The following RBMS3 variants were observed in gnomAD, a reference collection of about 807,000 sequenced individuals.
The protein encoded by RBMS3 is RNA binding motif single stranded interacting protein 3.
RBMS3 carries 27 observed loss-of-function variants against 66.8 expected under a neutral mutation model. That is an observed-to-expected ratio of 0.40 (90% confidence interval 0.30 to 0.56). The LOEUF is 0.56. Among genes scored for constraint, RBMS3 ranks in the 20% least tolerant of loss-of-function variants. The probability of loss-of-function intolerance (pLI) is 0.40; values close to 1 mark genes in which losing one functional copy is unlikely to be tolerated. For synonymous variants in RBMS3, 188 were observed against 183.0 expected, an observed-to-expected ratio of 1.03 and a Z score of -0.22; for missense variants, 513 against 549.5, an observed-to-expected ratio of 0.93 and a Z score of 0.66.
At chr3:29,365,537 A>T (rs2037851012) in intron 1 of RBMS3, among the ~76,000 whole-genome samples, 1 of 151,926 alleles carries the variant, frequency 6.6e-6, no homozygotes, top group South Asian at 2.1e-4. Flanking sequence ...TATTATTTCA[A>T]ACTACAATGA....
intron 5 of RBMS3, among the ~76,000 whole-genome samples, chr3:29,754,969 G>A (rs1430122230): frequency 6.6e-6 from 1 of 151,982 alleles, no homozygotes; most frequent in African/African-American, 2.4e-5. Context: ...TGTCTCTCTG[G>A]GCCTGATAAA....
chr3:29,618,980 C>T (rs2048769866), intron 4 of RBMS3, among the ~76,000 whole-genome samples: 1 of 152,112 alleles, frequency 6.6e-6, no homozygotes, highest in African/African-American at 2.4e-5. Flanking sequence ...AAACATTTTT[C>T]AAGATCTTCT....
At chr3:29,712,724 G>A (rs1015333749) in intron 4 of RBMS3, among the ~76,000 whole-genome samples, 14 of 152,168 alleles carry the variant, frequency 9.2e-5, no homozygotes, top group African/African-American at 2.2e-4. Context: ...TGGAGAAAGG[G>A]TAAATTGGCT....
At chr3:29,904,278 T>G (rs1223596809) in intron 10 of RBMS3, among the ~76,000 whole-genome samples, 1 of 152,066 alleles carries the variant, frequency 6.6e-6, no homozygotes, top group East Asian at 1.9e-4. Context: ...TCATTCATCA[T>G]TTCTATTCTC....
At chr3:29,622,237 A>C (rs1034029740) in intron 4 of RBMS3, among the ~76,000 whole-genome samples, 1 of 152,180 alleles carries the variant, frequency 6.6e-6, no homozygotes, top group Non-Finnish European at 1.5e-5. Context: ...ACATCTGGGG[A>C]AGTGAAGACA....
At chr3:29,547,180 G>C (rs924138184) in intron 3 of RBMS3, among the ~76,000 whole-genome samples, 7 of 152,090 alleles carry the variant, frequency 4.6e-5, no homozygotes, top group African/African-American at 1.7e-4. Context: ...GTCCAGGCTG[G>C]TTTTGAACTC....
chr3:29,772,762 A>T (rs1188691980), intron 6 of RBMS3, among the ~76,000 whole-genome samples: 1 of 152,056 alleles, frequency 6.6e-6, no homozygotes, highest in African/African-American at 2.4e-5. Flanking sequence ...AAGTAAGGCC[A>T]AATAAAGAAT....
intron 1 of RBMS3, among the ~76,000 whole-genome samples, chr3:29,327,907 AT>A (rs777021180): frequency 2.4e-4 from 36 of 152,292 alleles, no homozygotes; most frequent in East Asian, 2.3e-3. Flanking sequence ...GAATGCTAGA[AT>A]TTTTTGAGGA....
rs150386591 is a variant in RBMS3 at position 29,508,447 on chromosome 3, C to T, written c.307+19948C>T. 6.7e-3 allele frequency among the ~76,000 whole-genome samples: 1,019 copies of T among 152,174 alleles called. 17 individuals carry two copies. Among genetic ancestry groups the T allele is most frequent in the African/African-American group, 0.024 (979 of 41,510 alleles). On this transcript the variant is annotated intron_variant, in intron 3 of 14. Coordinates refer to ENST00000383767, the MANE Select transcript of RBMS3 (RefSeq NM_001003793.3). ...GCTCCCACTTATGAGTGAGGACATGCAGTGTTTGGTTTTCTGTTCTTGTGT... is the reference window on the plus strand; with the variant it reads ...GCTCCCACTTATGAGTGAGGACATGTAGTGTTTGGTTTTCTGTTCTTGTGT...
At chr3:29,452,572 T>A (rs2042050641) in intron 2 of RBMS3, among the ~76,000 whole-genome samples, 1 of 152,194 alleles carries the variant, frequency 6.6e-6, no homozygotes, top group Non-Finnish European at 1.5e-5. Context: ...TCAAGTGTTG[T>A]TTGGTATATT....
intron 3 of RBMS3, among the ~76,000 whole-genome samples, chr3:29,551,220 T>C (rs1475674730): frequency 6.6e-6 from 1 of 152,218 alleles, no homozygotes; most frequent in Non-Finnish European, 1.5e-5. Flanking sequence ...CACATTTTGA[T>C]TGACATATAG....
intron 1 of RBMS3, among the ~76,000 whole-genome samples, chr3:29,285,145 C>A (rs1223867557): frequency 6.7e-6 from 1 of 148,362 alleles, no homozygotes; most frequent in African/African-American, 2.5e-5. Flanking sequence ...TATTTTATCA[C>A]CCTTTCCAAA....
rs1491567884 is a variant in RBMS3, at chr3:29,527,181, T to TTAAAAAAAAAAAAA, written c.307+38682_307+38683insTAAAAAAAAAAAAA. Among the ~76,000 whole-genome samples the TTAAAAAAAAAAAAA allele has an allele frequency of 3.9e-3, 344 of 87,822 alleles. 48 individuals are homozygous for TTAAAAAAAAAAAAA. Among genetic ancestry groups the TTAAAAAAAAAAAAA allele is most frequent in the African/African-American group, 0.015 (310 of 21,076 alleles). 57.6% of individuals were successfully genotyped at this position (87,822 alleles called of 152,430 possible). On this transcript the variant is annotated intron_variant, in intron 3 of 14. Coordinates refer to ENST00000383767, the MANE Select transcript of RBMS3 (RefSeq NM_001003793.3). ...TTTCAGACGTGATTGTTAGGTAGAG[T>TTAAAAAAAAAAAAA]AAAAAAAAAAAAAAAAAAAAAAAAA...
chr3:29,741,264 G>C (rs961394852), intron 5 of RBMS3, among the ~76,000 whole-genome samples: 1 of 152,168 alleles, frequency 6.6e-6, no homozygotes, highest in Admixed American at 6.5e-5. Context: ...GAAATAAACA[G>C]AATGAAGAAA....
chr3:29,895,752 AG>A (rs1447004031), intron 8 of RBMS3, among the ~76,000 whole-genome samples: 1 of 151,470 alleles, frequency 6.6e-6, no homozygotes, highest in African/African-American at 2.4e-5. Context: ...GTTAGTATGG[AG>A]CATTGCTGGG....
intron 3 of RBMS3, among the ~76,000 whole-genome samples, chr3:29,529,175 A>G (rs930116250): frequency 4.6e-5 from 7 of 152,202 alleles, no homozygotes; most frequent in African/African-American, 1.7e-4. Context: ...AAAAAATGTG[A>G]GCTTATGGGA....
chr3:29,354,561 G>A (rs1009543455), intron 1 of RBMS3, among the ~76,000 whole-genome samples: 55 of 151,526 alleles, frequency 3.6e-4, no homozygotes, highest in African/African-American at 1.1e-3. Context: ...CATGGTGCAC[G>A]TGTGCACGTG....
chr3:30,003,055 G>T (rs1442068095), intron 14 of RBMS3, among the ~76,000 whole-genome samples: 1 of 151,992 alleles, frequency 6.6e-6, no homozygotes, highest in Non-Finnish European at 1.5e-5. Flanking sequence ...GAGGCCTTCA[G>T]CTAAATGTAA....
intron 3 of RBMS3, among the ~76,000 whole-genome samples, chr3:29,575,760 G>C (rs2047098175): frequency 6.6e-6 from 1 of 151,770 alleles, no homozygotes; most frequent in African/African-American, 2.4e-5. Flanking sequence ...TAATTCTTCT[G>C]CTTGATCAGT....
Sources: allele counts gnomAD v4.1 joint callset (sites outside exome capture counted in the v4.1 genomes callset), GRCh38; gene constraint gnomAD v4.1.1; transcripts MANE v1.5; gene names NCBI Gene and HGNC (gene_info 2026-07-23, HGNC 2026-07-21).